CYP2C19: variants seen among roughly 807,000 people sequenced by gnomAD.
CYP2C19 encodes the protein cytochrome P450 family 2 subfamily C member 19.
In CYP2C19, 59 loss-of-function variants were observed where a neutral mutation model predicts 40.9. That is an observed-to-expected ratio of 1.44 (90% CI 1.17 to 1.79). The LOEUF (loss-of-function observed/expected upper bound fraction) is 1.79, where lower values mean the gene tolerates loss of function less well. Ranked by LOEUF, CYP2C19 falls within the 40% of genes most tolerant of loss-of-function variation. The pLI is 0.00. For missense variants in CYP2C19, 754 were observed against 596.9 expected (o/e 1.26, Z -2.74); for synonymous variants, 253 against 208.7 (o/e 1.21, Z -1.83).
chr10:94,815,973 T>C (rs1848995858), intron 5 of CYP2C19, among the ~76,000 whole-genome samples: 1 of 152,198 alleles, frequency 6.6e-6, no homozygotes, highest in South Asian at 2.1e-4. Flanking sequence ...TTAATTTAAG[T>C]TGTGGTTGTC....
At chr10:94,808,501 A>G (rs567777067) in intron 5 of CYP2C19, among the ~76,000 whole-genome samples, 16 of 152,218 alleles carry the variant, frequency 1.1e-4, no homozygotes, top group African/African-American at 3.4e-4. Flanking sequence ...TAGTCACCCT[A>G]TTGTGCTATC....
At chr10:94,828,730 C>T (rs1398335732) in intron 6 of CYP2C19, among the ~76,000 whole-genome samples, 4 of 151,784 alleles carry the variant, frequency 2.6e-5, no homozygotes, top group African/African-American at 9.7e-5. Context: ...TTATTTTGCT[C>T]GTTAGTTGAT....
chr10:94,820,436 T>A, intron 5 of CYP2C19, 60 bp from the exon 6 acceptor site: 1 of 1,587,078 alleles, frequency 6.3e-7, no homozygotes, highest in Non-Finnish European at 8.7e-7. Flanking sequence ...ATTTTGAATT[T>A]ACTGTCATCA....
At chr10:94,812,227 C>G (rs565028351) in intron 5 of CYP2C19, among the ~76,000 whole-genome samples, 1 of 152,290 alleles carries the variant, frequency 6.6e-6, no homozygotes, top group African/African-American at 2.4e-5. Flanking sequence ...GCTTGTCGAG[C>G]TTCTCCAGAG....
At chr10:94,846,287 A>T (rs187752808) in intron 7 of CYP2C19, among the ~76,000 whole-genome samples, 1 of 152,082 alleles carries the variant, frequency 6.6e-6, no homozygotes, top group East Asian at 1.9e-4. Context: ...CTTGTTTTGT[A>T]TAATTGTTTT....
intron 5 of CYP2C19, among the ~76,000 whole-genome samples, chr10:94,816,070 T>C (rs925694038): frequency 1.3e-5 from 2 of 151,466 alleles, no homozygotes; most frequent in Non-Finnish European, 2.9e-5. Flanking sequence ...AAGAAGTGGA[T>C]CTAGAGATCT....
intron 6 of CYP2C19, among the ~76,000 whole-genome samples, chr10:94,829,665 A>G (rs1849294906): frequency 6.6e-6 from 1 of 152,088 alleles, no homozygotes; most frequent in South Asian, 2.1e-4. Flanking sequence ...CATCAAAGTC[A>G]TTCTCCATCC....
At chr10:94,778,271 C>T (rs550861245) in intron 3 of CYP2C19, among the ~76,000 whole-genome samples, 25 of 152,172 alleles carry the variant, frequency 1.6e-4, no homozygotes, top group African/African-American at 6.0e-4. Flanking sequence ...AAGATGACTT[C>T]CCCTTCCCTC....
intron 1 of CYP2C19, among the ~76,000 whole-genome samples, chr10:94,765,561 T>C (rs1848228888): frequency 1.3e-5 from 2 of 152,004 alleles, no homozygotes; most frequent in Non-Finnish European, 2.9e-5. Context: ...TATTTTCCCA[T>C]TGGAGAAAAA....
Position 94,852,719 on chromosome 10 carries a change from T to C in CYP2C19, c.1292-14T>C, listed in dbSNP as rs745492038. Reference sequence around the variant, plus strand: ...ACATGAGGAGTAACTTCTCCCTATGTTTGTTATTTTCAGGAAAACGGATTT... The same window carrying C: ...ACATGAGGAGTAACTTCTCCCTATGCTTGTTATTTTCAGGAAAACGGATTT... On this transcript the variant is annotated splice_polypyrimidine_tract_variant and intron_variant, in intron 8 of 8. Transcript: ENST00000371321. The C allele has an allele frequency of 3.7e-6, 6 of 1,613,404 alleles. No homozygotes were observed. The Admixed American group carries it at 8.3e-5, about 22-fold the overall frequency.
At chr10:94,821,323 A>G (rs1367665070) in intron 6 of CYP2C19, among the ~76,000 whole-genome samples, 2 of 152,212 alleles carry the variant, frequency 1.3e-5, no homozygotes, top group Admixed American at 6.5e-5. Context: ...GTATTGTTAA[A>G]GATAATTTTT....
chr10:94,818,017 A>C (rs1849038609), intron 5 of CYP2C19, among the ~76,000 whole-genome samples: 1 of 148,590 alleles, frequency 6.7e-6, no homozygotes. Flanking sequence ...CATCTCAAAA[A>C]AAAAAAAAAA....
At position 94,849,832 on chromosome 10, in the gene CYP2C19, A is replaced by G; in HGVS notation, c.1150-85A>G. 2.0e-6 allele frequency: 3 copies of G among 1,525,040 alleles called. No homozygotes were observed. The East Asian group carries it at 6.8e-5, about 34-fold the overall frequency. 94.5% of individuals were successfully genotyped at this position (1,525,040 alleles called of 1,614,324 possible). On this transcript the variant is annotated intron_variant, in intron 7 of 8. Transcript: ENST00000371321. ...ATGGTGTTTCATCATCTGTACATCAAAAGATTTAACTGCATGATTACCACT... is the reference window on the plus strand; with the variant it reads ...ATGGTGTTTCATCATCTGTACATCAGAAGATTTAACTGCATGATTACCACT...
intron 7 of CYP2C19, among the ~76,000 whole-genome samples, chr10:94,843,892 C>T (rs771714470): frequency 9.9e-5 from 15 of 152,056 alleles, no homozygotes; most frequent in Non-Finnish European, 1.8e-4. Flanking sequence ...GAAAATGATG[C>T]TAGAAGTAGA....
At chr10:94,815,743 C>T (rs1023242465) in intron 5 of CYP2C19, among the ~76,000 whole-genome samples, 5 of 152,144 alleles carry the variant, frequency 3.3e-5, no homozygotes, top group Non-Finnish European at 7.3e-5. Flanking sequence ...ATACTGTGGG[C>T]CCATCTTGTC....
rs371253664 is a variant in CYP2C19 at position 94,767,699 on chromosome 10, G to A, written c.168+4826G>A. Among the ~76,000 whole-genome samples the A allele has an allele frequency of 6.7e-4, 102 of 152,290 alleles. 2 individuals carry two copies. The South Asian group carries it at 0.021, about 31-fold the overall frequency. ...AAATAGGGATTTGGCCATTTGATGA[G>A]TGTTTTCAATACCCATATGAAAAGT... On this transcript the variant is annotated intron_variant, in intron 1 of 8. Transcript: ENST00000371321.
intron 5 of CYP2C19, among the ~76,000 whole-genome samples, chr10:94,791,937 C>CGTT: frequency 6.6e-6 from 1 of 151,024 alleles, no homozygotes; most frequent in Admixed American, 6.6e-5. Flanking sequence ...CTTTCTGTCT[C>CGTT]GATCTGTCAA....
rs548018316 is a variant in CYP2C19, at chr10:94,828,858, G to C, written c.961+8221G>C. Among the ~76,000 whole-genome samples the C allele has an allele frequency of 1.6e-3, 240 of 152,178 alleles. 1 individual carries two copies. The highest frequency in any genetic ancestry group is 2.7e-3 in the Non-Finnish European group (187 of 68,018). On this transcript the variant is annotated intron_variant, in intron 6 of 8. Transcript: ENST00000371321. ...TCAGGAGTTCTTGTAAGGCAGGCCT[G>C]GTGGTGACAAAATCTCTCAGCATTT...
At chr10:94,849,780 CTG>C (rs1182311599) in intron 7 of CYP2C19, 135 bp from the exon 8 acceptor site, 3 of 1,086,264 alleles carry the variant, frequency 2.8e-6, no homozygotes, top group Non-Finnish European at 4.2e-6. Flanking sequence ...GTCTATCTGT[CTG>C]GAAATGGTAC....
Sources: gnomAD v4.1 joint callset for allele counts (sites outside exome capture counted in the v4.1 genomes callset) on GRCh38, gnomAD v4.1.1 for gene constraint, MANE v1.5 for transcripts, NCBI Gene and HGNC (gene_info 2026-07-23, HGNC 2026-07-21) for gene names.